The following SLC13A2 variants were observed in gnomAD, a reference collection of about 807,000 sequenced individuals.
The protein encoded by SLC13A2 is Na(+)-coupled citrate transporter.
SLC13A2 carries 40 observed loss-of-function variants against 58.5 expected under a neutral mutation model. The observed-to-expected ratio is 0.68, with a 90% CI of 0.53 to 0.89. SLC13A2 has a LOEUF of 0.89. SLC13A2 is among the 40% of genes least tolerant of loss of function. The probability of loss-of-function intolerance (pLI) is 0.00; values close to 1 mark genes in which losing one functional copy is unlikely to be tolerated. For synonymous variants in SLC13A2, 341 were observed against 331.6 expected, an observed-to-expected ratio of 1.03 and a Z score of -0.31; for missense variants, 694 against 772.6, an observed-to-expected ratio of 0.90 and a Z score of 1.21.
Position 28,490,580 on chromosome 17 carries a change from C to G in SLC13A2, c.358C>G (p.Arg120Gly), listed in dbSNP as rs782296247. 1 of 1,597,782 alleles carries G rather than the reference C, an allele frequency of 6.3e-7. No individual in the cohort carries two copies. Among genetic ancestry groups the G allele is most frequent in the South Asian group, 1.1e-5 (1 of 89,502 alleles). The change falls in exon 3 of 12, where the codon CGG becomes GGG. Residue 120 changes from arginine to glycine, a missense_variant. Coordinates refer to ENST00000314669, the MANE Select transcript of SLC13A2 (RefSeq NM_003984.4). ...CCGTGTCCTCCTCATCGTTGGGGTG[C>G]GGCCTGCCCCGTGAGTTCCTCCTGC... is the stretch of plus-strand genomic sequence containing the variant. ...ALRVLLIVGV[R>G]PAPLILGFML... is the part of the protein sequence containing the mutation.
In SLC13A2 at chr17:28,496,984, C is replaced by G; in HGVS notation, c.1609-115C>G. ...GCTGCAGGTTAGACCAACGGGAGGA[C>G]TTCCCAGAGAGAATTTTGCTGGTAG... On this transcript the variant is annotated intron_variant, in intron 11 of 11. Transcript: ENST00000314669. The surrounding 1 kb of genome is among the most constrained non-coding windows in gnomAD (Gnocchi z 4.2). The G allele has an allele frequency of 9.1e-7, 1 of 1,100,330 alleles. No individual in the cohort carries two copies. Among genetic ancestry groups the G allele is most frequent in the Non-Finnish European group, 1.3e-6 (1 of 745,250 alleles). 68.2% of individuals were successfully genotyped at this position (1,100,330 alleles called of 1,614,324 possible). A position where few individuals can be genotyped will look rare whatever the true frequency, so the allele number is the denominator to read the frequency against.
intron 1 of SLC13A2, among the ~76,000 whole-genome samples, chr17:28,484,748 G>T (rs1009727835): frequency 1.3e-5 from 2 of 152,200 alleles, no homozygotes; most frequent in Non-Finnish European, 2.9e-5. Context: ...GTGGTCCAGA[G>T]CTACAGAGAA....
rs1220782855 is a variant in SLC13A2, at chr17:28,496,533, C to G, written c.1554C>G (p.Ala518=). 6.2e-7 allele frequency: 1 copy of G among 1,613,674 alleles called. No individual in the cohort carries two copies. Among genetic ancestry groups the G allele is most frequent in the African/African-American group, 1.3e-5 (1 of 74,914 alleles). ...ATSLAFMLPV[A]TPPNAIVFSF... ...CCCTGGCCTTCATGTTGCCTGTGGC[C>G]ACCCCGCCCAATGCCATCGTCTTCT... Residue 518 remains alanine (A), a synonymous_variant, in exon 11 of 12, where the codon GCC becomes GCG. Coordinates refer to ENST00000314669, the MANE Select transcript of SLC13A2 (RefSeq NM_003984.4). This position sits in a 1 kb window ranked among gnomAD's most constrained non-coding sequence, Gnocchi z 4.2.
intron 1 of SLC13A2, among the ~76,000 whole-genome samples, chr17:28,487,047 C>A (rs781905067): frequency 2.6e-5 from 4 of 152,192 alleles, no homozygotes; most frequent in Admixed American, 1.3e-4. Flanking sequence ...ATCAGCCCCC[C>A]ACGGCCTCCC....
Position 28,494,000 on chromosome 17 carries a change from G to T in SLC13A2, c.1098-17G>T, listed in dbSNP as rs782709968. ...AAGCGGCTAACCCAGCCCTCCCCGC[G>T]CCCCCTCCACCAACAGCATGGTGTC... is the stretch of plus-strand genomic sequence containing the variant. On this transcript the variant is annotated splice_polypyrimidine_tract_variant and intron_variant, in intron 7 of 11. Transcript: ENST00000314669. The T allele has an allele frequency of 2.5e-6, 4 of 1,598,610 alleles. No individual in the cohort carries two copies. The highest frequency in any genetic ancestry group is 2.7e-5 in the African/African-American group (2 of 74,478).
chr17:28,492,279 T>C (rs2069043658), intron 6 of SLC13A2, among the ~76,000 whole-genome samples: 1 of 152,078 alleles, frequency 6.6e-6, no homozygotes, highest in Admixed American at 6.5e-5. Flanking sequence ...TCCCTGTCCT[T>C]GTAGCCCATC....
At position 28,491,551 on chromosome 17, in the gene SLC13A2, G is replaced by T; in HGVS notation, c.689G>T (p.Ser230Ile). 1 of 1,613,668 alleles carries T rather than the reference G, an allele frequency of 6.2e-7. No individual in the cohort carries two copies. The highest frequency in any genetic ancestry group is 8.5e-7 in the Non-Finnish European group (1 of 1,180,036). The change falls in exon 5 of 12, where the codon AGC becomes ATC. Residue 230 changes from serine (S) to isoleucine (I), a missense_variant. Transcript: ENST00000314669. The part of the protein sequence containing the change: ...CMSLCVCYSA[S>I]IGGIATLTGT... ...AGCCTGTGCGTGTGCTACTCCGCCA[G>T]CATCGGGGGCATCGCCACGCTGACT...
intron 1 of SLC13A2, among the ~76,000 whole-genome samples, chr17:28,474,741 T>G (rs1434685273): frequency 6.6e-6 from 1 of 152,146 alleles, no homozygotes; most frequent in Non-Finnish European, 1.5e-5. Context: ...AGTTCAATCT[T>G]CAGTCAGTCG....
rs11278972 is a variant in SLC13A2, at chr17:28,497,341, C to CCCAAGCT, written c.*90_*96dup. 7.2e-6 allele frequency: 11 copies of CCCAAGCT among 1,518,504 alleles called. No individual in the cohort carries two copies. Among genetic ancestry groups the CCCAAGCT allele is most frequent in the South Asian group, 6.2e-5 (5 of 80,970 alleles). The allele number at this position is 1,518,504 out of a possible 1,614,324, so 94.1% of individuals were successfully genotyped here. A position where few individuals can be genotyped will look rare whatever the true frequency, so the allele number is the denominator to read the frequency against. On this transcript the variant is annotated 3_prime_UTR_variant, in exon 12 of 12. Transcript: ENST00000314669. Reference sequence around the variant, plus strand: ...ACTCCTCTGAGCCCGGAGGGGACACCCCAAGCTCCAAGCTCCAAGCTCCAG... The same window carrying CCCAAGCT: ...ACTCCTCTGAGCCCGGAGGGGACACCCCAAGCTCCAAGCTCCAAGCTCCAAGCTCCAG...
Position 28,494,431 on chromosome 17 carries a change from C to T in SLC13A2, c.1227C>T (p.Asp409=). 6.2e-7 allele frequency: 1 copy of T among 1,614,090 alleles called. No homozygotes were observed. Among genetic ancestry groups the T allele is most frequent in the Non-Finnish European group, 8.5e-7 (1 of 1,179,936 alleles). Residue 409 remains aspartate (D), a synonymous_variant, in exon 9 of 12, where the codon GAC becomes GAT. Transcript: ENST00000314669. This position sits in a 1 kb window ranked among gnomAD's most constrained non-coding sequence, Gnocchi z 4.0. ...GKLKAPLGLL[D]WKTVNQKMPW... ...TGAAGGCCCCTCTTGGCCTCCTCGA[C>T]TGGAAGACGGTGAACCAGAAGATGC...
rs898969358 is a variant in SLC13A2 at position 28,491,448 on chromosome 17, G to A, written c.586G>A (p.Ala196Thr). ...KEVTKLDNGQ[A>T]LPVTSASSEG... The stretch of plus-strand genomic sequence containing the variant: ...TCCCTTGTTCCCAGATAATGGGCAG[G>A]CCCTCCCTGTCACGTCTGCCTCTTC... Residue 196 changes from alanine to threonine, a missense_variant, in exon 5 of 12, where the codon GCC becomes ACC. By Grantham distance (58) the Ala-to-Thr change is moderately conservative. Transcript: ENST00000314669. 6.2e-7 allele frequency: 1 copy of A among 1,613,428 alleles called. No homozygotes were observed. The highest frequency in any genetic ancestry group is 8.5e-7 in the Non-Finnish European group (1 of 1,180,018).
chr17:28,473,899 C>A, intron 1 of SLC13A2, 85 bp downstream of exon 1: 2 of 1,120,784 alleles, frequency 1.8e-6, no homozygotes, highest in East Asian at 2.5e-5. Flanking sequence ...CCTTAGGATC[C>A]AGCATAACTT....
chr17:28,490,218 G>A, intron 2 of SLC13A2: 1 of 1,284,464 alleles, frequency 7.8e-7, no homozygotes, highest in East Asian at 2.6e-5. Context: ...AGGTTGCAGT[G>A]AGCTGTGATT....
intron 2 of SLC13A2, 23 bp downstream of exon 2, chr17:28,489,365 A>G (rs781836235): frequency 6.2e-7 from 1 of 1,610,034 alleles, no homozygotes; most frequent in South Asian, 1.1e-5. Context: ...CATAGGAGAA[A>G]GCGTTCTGGG....
intron 3 of SLC13A2, 48 bp downstream of exon 3, chr17:28,490,638 T>C: frequency 6.3e-7 from 1 of 1,589,002 alleles, no homozygotes; most frequent in Non-Finnish European, 8.6e-7. Context: ...CGAGGAGATA[T>C]TCTGGGCACC....
chr17:28,491,712 C>T lies in SLC13A2; in HGVS notation c.756-18C>T. The T allele has an allele frequency of 2.5e-6, 4 of 1,613,446 alleles. No individual in the cohort carries two copies. The highest frequency in any genetic ancestry group is 2.2e-5 in the East Asian group (1 of 44,862). The stretch of plus-strand genomic sequence containing the variant: ...TTCTCGGGGCAATGTCACACGGCAG[C>T]CCATGTTCCTCCTTCAGGCTCTTCC... On this transcript the variant is annotated intron_variant, in intron 5 of 11. Coordinates refer to ENST00000314669, the MANE Select transcript of SLC13A2 (RefSeq NM_003984.4).
intron 1 of SLC13A2, among the ~76,000 whole-genome samples, chr17:28,486,617 G>A (rs1470576543): frequency 6.6e-6 from 1 of 151,932 alleles, no homozygotes; most frequent in Non-Finnish European, 1.5e-5. Flanking sequence ...ATGTTTAAAG[G>A]GTTTGAGACT....
intron 1 of SLC13A2, among the ~76,000 whole-genome samples, chr17:28,482,592 T>C (rs782542579): frequency 6.6e-6 from 1 of 152,200 alleles, no homozygotes; most frequent in Non-Finnish European, 1.5e-5. Context: ...AAACCACAAG[T>C]CTGACCATGC....
intron 1 of SLC13A2, among the ~76,000 whole-genome samples, chr17:28,479,682 C>T (rs1200309776): frequency 2.0e-5 from 3 of 152,148 alleles, no homozygotes; most frequent in East Asian, 1.9e-4. Flanking sequence ...AATCACTGGC[C>T]CTTTTAGAAT....
Sources: gnomAD v4.1 joint callset for allele counts (sites outside exome capture counted in the v4.1 genomes callset) on GRCh38, gnomAD v4.1.1 for gene constraint, Gnocchi (gnomAD v3.1) non-coding constraint, MANE v1.5 for transcripts, NCBI Gene and HGNC (gene_info 2026-07-23, HGNC 2026-07-21) for gene names.